NT5DC1: variants seen among roughly 807,000 people sequenced by gnomAD.
NT5DC1 encodes the protein 5'-nucleotidase domain-containing protein 1.
Under a neutral mutation model 59.4 loss-of-function variants are expected in NT5DC1, and 42 were observed. The ratio of observed to expected loss-of-function variants is 0.71; its 90% confidence interval spans 0.55 to 0.92. The LOEUF (loss-of-function observed/expected upper bound fraction) is 0.92. Among genes scored for constraint, NT5DC1 ranks in the 40% least tolerant of loss-of-function variants. The pLI is 0.00. For missense variants in NT5DC1, 501 were observed against 537.1 expected, an observed-to-expected ratio of 0.93 and a Z score of 0.66; for synonymous variants, 172 against 188.1, an observed-to-expected ratio of 0.91 and a Z score of 0.70.
chr6:116,102,342 C>T (rs1199844975), intron 1 of NT5DC1, among the ~76,000 whole-genome samples: 1 of 152,212 alleles, frequency 6.6e-6, no homozygotes, highest in Non-Finnish European at 1.5e-5. Flanking sequence ...CCTTTTTCTG[C>T]TGTTACACTT....
intron 6 of NT5DC1, among the ~76,000 whole-genome samples, chr6:116,138,638 A>G (rs983448701): frequency 6.6e-6 from 1 of 152,202 alleles, no homozygotes; most frequent in African/African-American, 2.4e-5. Flanking sequence ...ATGGCTTGTT[A>G]TAATGATTAA....
intron 6 of NT5DC1, among the ~76,000 whole-genome samples, chr6:116,146,385 T>C (rs193230454): frequency 6.6e-6 from 1 of 152,078 alleles, no homozygotes; most frequent in Non-Finnish European, 1.5e-5. Flanking sequence ...CAACTTCAGA[T>C]AAAAGGGGTA....
intron 6 of NT5DC1, among the ~76,000 whole-genome samples, chr6:116,155,534 A>G (rs1780166984): frequency 1.3e-5 from 2 of 152,150 alleles, no homozygotes; most frequent in South Asian, 4.1e-4. Context: ...AAAGCAAACA[A>G]TCTAAACAAT....
intron 4 of NT5DC1, among the ~76,000 whole-genome samples, chr6:116,114,389 T>C (rs1181067100): frequency 6.6e-6 from 1 of 152,078 alleles, no homozygotes; most frequent in Non-Finnish European, 1.5e-5. Context: ...TCCAAAGTAA[T>C]CTATTTGCTT....
intron 6 of NT5DC1, among the ~76,000 whole-genome samples, chr6:116,193,597 C>T (rs999897324): frequency 6.6e-6 from 1 of 152,038 alleles, no homozygotes; most frequent in African/African-American, 2.4e-5. Context: ...CTAATATACA[C>T]AGAATATGTC....
chr6:116,119,902 G>T, intron 6 of NT5DC1: 1 of 649,828 alleles, frequency 1.5e-6, no homozygotes, highest in African/African-American at 1.8e-5. Context: ...ACGTTTTTAC[G>T]TTGCTGCTCA....
At chr6:116,102,420 G>A (rs2114894449) in intron 1 of NT5DC1, among the ~76,000 whole-genome samples, 2 of 152,210 alleles carry the variant, frequency 1.3e-5, no homozygotes, top group African/African-American at 4.8e-5. Flanking sequence ...CTTTTTTACT[G>A]CTTGATTCTT....
intron 6 of NT5DC1, among the ~76,000 whole-genome samples, chr6:116,202,846 A>G (rs956139636): frequency 6.6e-6 from 1 of 152,082 alleles, no homozygotes; most frequent in Admixed American, 6.6e-5. Context: ...GACAGTTCTT[A>G]ATTACCTCAC....
intron 6 of NT5DC1, among the ~76,000 whole-genome samples, chr6:116,127,370 G>C (rs1779345120): frequency 6.6e-6 from 1 of 151,992 alleles, no homozygotes; most frequent in African/African-American, 2.4e-5. Flanking sequence ...TTGCTTGTAA[G>C]CATTTTGTTG....
intron 6 of NT5DC1, among the ~76,000 whole-genome samples, chr6:116,156,538 G>A (rs1294396963): frequency 6.6e-6 from 1 of 152,146 alleles, no homozygotes; most frequent in East Asian, 1.9e-4. Context: ...AGTAAGGGAA[G>A]AGGAGACCGA....
rs1376428995 is a variant in NT5DC1, at chr6:116,100,985, C to T, written c.55C>T (p.His19Tyr). The T allele has an allele frequency of 1.2e-6, 2 of 1,605,666 alleles. No homozygotes were observed. Among genetic ancestry groups the T allele is most frequent in the South Asian group, 1.1e-5 (1 of 90,186 alleles). ...ACDVVGFDLDHTLCRYNLPES... is the reference protein window; with the variant it reads ...ACDVVGFDLDYTLCRYNLPES... ...CGACGTGGTCGGATTCGACCTGGAC[C>T]ACACTCTGTGTCGCTACAACCTGCC... The change falls in exon 1 of 12, where the codon CAC (histidine) becomes TAC (tyrosine). Residue 19 changes from histidine (H) to tyrosine (Y), a missense_variant. By Grantham distance (83) the His-to-Tyr change is moderately conservative. Transcript: ENST00000319550.
chr6:116,232,126 T>G (rs1481878535), intron 8 of NT5DC1, among the ~76,000 whole-genome samples: 1 of 142,904 alleles, frequency 7.0e-6, no homozygotes, highest in Non-Finnish European at 1.5e-5. Flanking sequence ...TCTGTGTCTA[T>G]CTGTGTCCTA....
chr6:116,196,918 A>G (rs993593451), intron 6 of NT5DC1, among the ~76,000 whole-genome samples: 1 of 151,468 alleles, frequency 6.6e-6, no homozygotes, highest in African/African-American at 2.4e-5. Context: ...TGTTGGAGAT[A>G]TCCTCAAATG....
intron 4 of NT5DC1, among the ~76,000 whole-genome samples, chr6:116,115,045 T>C (rs1323494267): frequency 1.3e-5 from 2 of 152,112 alleles, no homozygotes; most frequent in African/African-American, 4.8e-5. Context: ...GATCCAAAAG[T>C]CACATGTGCC....
intron 4 of NT5DC1, among the ~76,000 whole-genome samples, chr6:116,114,409 C>CTCAT (rs780692612): frequency 1.3e-4 from 19 of 151,738 alleles, no homozygotes; most frequent in African/African-American, 3.4e-4. Context: ...TATTGGATTA[C>CTCAT]TCATTCATTC....
At chr6:116,170,638 A>G (rs1003051274) in intron 6 of NT5DC1, among the ~76,000 whole-genome samples, 4 of 152,164 alleles carry the variant, frequency 2.6e-5, no homozygotes, top group African/African-American at 9.7e-5. Context: ...ACTATTAAGA[A>G]CTGTTTGTGG....
At chr6:116,118,185 C>T (rs1779006546) in intron 6 of NT5DC1, 2 of 481,460 alleles carry the variant, frequency 4.2e-6, no homozygotes, top group South Asian at 4.3e-5. Flanking sequence ...CCACGCCTGC[C>T]ACGAGGGTCA....
chr6:116,120,486 G>A, intron 6 of NT5DC1: 1 of 1,614,218 alleles, frequency 6.2e-7, no homozygotes, highest in Non-Finnish European at 8.5e-7. Context: ...GTTACCCCCT[G>A]GTTGGCACTA....
intron 8 of NT5DC1, among the ~76,000 whole-genome samples, chr6:116,227,086 C>A (rs919375794): frequency 2.0e-5 from 3 of 151,920 alleles, no homozygotes; most frequent in Non-Finnish European, 4.4e-5. Flanking sequence ...TGGATTTATT[C>A]CTCCTACCTG....
Sources: allele counts gnomAD v4.1 joint callset (sites outside exome capture counted in the v4.1 genomes callset), GRCh38; gene constraint gnomAD v4.1.1; transcripts MANE v1.5; gene names NCBI Gene and HGNC (gene_info 2026-07-23, HGNC 2026-07-21).